The following SPECC1 variants were observed in gnomAD, a reference collection of about 807,000 sequenced individuals.
SPECC1 encodes sperm antigen with calponin homology and coiled-coil domains 1.
Under a neutral mutation model 104.1 loss-of-function variants are expected in SPECC1, and 62 were observed. That is an observed-to-expected ratio of 0.60 (90% CI 0.49 to 0.74). The LOEUF (loss-of-function observed/expected upper bound fraction) is 0.74. SPECC1 is among the 30% of genes least tolerant of loss of function. SPECC1 has a pLI of 0.00. For synonymous variants in SPECC1, 513 were observed against 501.6 expected (o/e 1.02, Z -0.30); for missense variants, 1,306 against 1,310.5 (o/e 1.00, Z 0.05).
intron 1 of SPECC1, among the ~76,000 whole-genome samples, chr17:20,082,982 G>GTTCGTTCA (rs2047038346): frequency 6.6e-6 from 1 of 151,080 alleles, no homozygotes; most frequent in Non-Finnish European, 1.5e-5. Flanking sequence ...TCGTTCGTTC[G>GTTCGTTCA]TTCGTTCGTT....
intron 13 of SPECC1, among the ~76,000 whole-genome samples, chr17:20,299,607 A>G (rs891831645): frequency 1.3e-5 from 2 of 151,680 alleles, no homozygotes; most frequent in African/African-American, 4.8e-5. Context: ...TCACAGAAAC[A>G]TCTAGAATAA....
intron 3 of SPECC1, 43 bp downstream of exon 3, chr17:20,110,605 T>C (rs2048440431): frequency 6.4e-7 from 1 of 1,565,374 alleles, no homozygotes; most frequent in African/African-American, 1.4e-5. Context: ...CCATCAGTCC[T>C]GGCCGCATGG....
In SPECC1 at chr17:20,205,113, G is replaced by T. The variant is rs1232866310; in HGVS notation, c.1064G>T (p.Cys355Phe). The T allele has an allele frequency of 6.2e-7, 1 of 1,614,188 alleles. No individual in the cohort carries two copies. Among genetic ancestry groups the T allele is most frequent in the South Asian group, 1.1e-5 (1 of 91,084 alleles). Residue 355 changes from cysteine to phenylalanine, a missense_variant, in exon 4 of 15, where the codon TGT becomes TTT. Coordinates refer to ENST00000395527, the MANE Select transcript of SPECC1 (RefSeq NM_001243439.2). ...STSNPFKSSK[C>F]STAGSSPNSV... ...AGTAACCCCTTTAAGAGTTCAAAGT[G>T]TTCTACTGCTGGGAGTTCCCCAAAC...
At chr17:20,281,040 T>C (rs2040753062) in intron 12 of SPECC1, among the ~76,000 whole-genome samples, 1 of 152,166 alleles carries the variant, frequency 6.6e-6, no homozygotes, top group Non-Finnish European at 1.5e-5. Context: ...TGTTCCTCTT[T>C]AGAGCATCGG....
At chr17:20,014,227 T>C (rs1180718005) in intron 1 of SPECC1, among the ~76,000 whole-genome samples, 1 of 152,238 alleles carries the variant, frequency 6.6e-6, no homozygotes, top group East Asian at 1.9e-4. Context: ...GTACCCTTAG[T>C]TTTTCACACA....
At chr17:20,181,866 A>G (rs774997719) in intron 3 of SPECC1, among the ~76,000 whole-genome samples, 13 of 152,108 alleles carry the variant, frequency 8.5e-5, no homozygotes, top group Non-Finnish European at 1.8e-4. Flanking sequence ...TTCATAAAAC[A>G]AGACCTGAGA....
At chr17:20,145,042 A>G (rs8066143) in intron 3 of SPECC1, among the ~76,000 whole-genome samples, 1 of 151,970 alleles carries the variant, frequency 6.6e-6, no homozygotes, top group African/African-American at 2.4e-5. Context: ...TAAAGATATT[A>G]CATATTTTAT....
intron 3 of SPECC1, among the ~76,000 whole-genome samples, chr17:20,140,084 C>T (rs999349502): frequency 2.0e-5 from 3 of 152,314 alleles, no homozygotes; most frequent in African/African-American, 4.8e-5. Flanking sequence ...AATGCTTACT[C>T]TCTCGTCCTA....
At chr17:20,135,999 T>C (rs2029915231) in intron 3 of SPECC1, among the ~76,000 whole-genome samples, 1 of 151,690 alleles carries the variant, frequency 6.6e-6, no homozygotes, top group Non-Finnish European at 1.5e-5. Context: ...TCTGTGGGAG[T>C]GGAAAAATCA....
chr17:20,117,401 A>G (rs1425725423), intron 3 of SPECC1, among the ~76,000 whole-genome samples: 1 of 152,224 alleles, frequency 6.6e-6, no homozygotes, highest in Non-Finnish European at 1.5e-5. Flanking sequence ...TACTTACATA[A>G]ATATAAGAAA....
intron 3 of SPECC1, among the ~76,000 whole-genome samples, chr17:20,169,592 A>G (rs373312590): frequency 1.7e-4 from 26 of 151,784 alleles, no homozygotes; most frequent in Non-Finnish European, 3.5e-4. Flanking sequence ...TTATTGCGTT[A>G]TATATAAAAT....
At chr17:20,234,562 T>C (rs57818783) in intron 7 of SPECC1, among the ~76,000 whole-genome samples, 24 of 152,326 alleles carry the variant, frequency 1.6e-4, no homozygotes, top group African/African-American at 5.1e-4. Flanking sequence ...AATGAGTTCT[T>C]GATTGAAACT....
intron 3 of SPECC1, among the ~76,000 whole-genome samples, chr17:20,175,977 G>A (rs1353595990): frequency 6.6e-6 from 1 of 152,154 alleles, no homozygotes; most frequent in South Asian, 2.1e-4. Context: ...AAATGAATTA[G>A]GCCTGATTTA....
At chr17:20,061,454 T>G (rs1435410880) in intron 1 of SPECC1, among the ~76,000 whole-genome samples, 1 of 152,212 alleles carries the variant, frequency 6.6e-6, no homozygotes, top group Non-Finnish European at 1.5e-5. Flanking sequence ...CATCTGCAGG[T>G]TGTATGTACA....
intron 13 of SPECC1, among the ~76,000 whole-genome samples, chr17:20,305,255 T>C (rs2041726373): frequency 6.6e-6 from 1 of 152,092 alleles, no homozygotes; most frequent in Non-Finnish European, 1.5e-5. Context: ...TTCTCAGCTG[T>C]GACAATGTAC....
At chr17:20,311,164 G>T (rs543735514) in intron 14 of SPECC1, among the ~76,000 whole-genome samples, 4 of 145,932 alleles carry the variant, frequency 2.7e-5, no homozygotes, top group Non-Finnish European at 5.9e-5. Flanking sequence ...ACAAAATCCA[G>T]TTGTTCAATT....
intron 1 of SPECC1, among the ~76,000 whole-genome samples, chr17:20,069,494 AC>A (rs2046471629): frequency 6.6e-6 from 1 of 152,164 alleles, no homozygotes; most frequent in African/African-American, 2.4e-5. Context: ...TAGCTCTTGT[AC>A]TTTGAGGTGA....
At chr17:20,257,727 C>CT in intron 11 of SPECC1, 120 bp downstream of exon 11, 1 of 1,319,324 alleles carries the variant, frequency 7.6e-7, no homozygotes, top group East Asian at 2.5e-5. Flanking sequence ...ATGAAAATGA[C>CT]TAAGACACTG....
chr17:20,270,861 C>T (rs1218822816), intron 12 of SPECC1, among the ~76,000 whole-genome samples: 1 of 152,166 alleles, frequency 6.6e-6, no homozygotes, highest in Admixed American at 6.5e-5. Flanking sequence ...ATTCCCAATA[C>T]TGGATACACC....
Sources: allele counts gnomAD v4.1 joint callset (sites outside exome capture counted in the v4.1 genomes callset), GRCh38; gene constraint gnomAD v4.1.1; transcripts MANE v1.5; gene names NCBI Gene and HGNC (gene_info 2026-07-23, HGNC 2026-07-21).